GIGYF2: variants seen among roughly 807,000 people sequenced by gnomAD.
GIGYF2 encodes GRB10-interacting GYF protein 2.
In GIGYF2, 25 loss-of-function variants were observed where a neutral mutation model predicts 208.1. The ratio of observed to expected loss-of-function variants is 0.12; its 90% CI spans 0.09 to 0.17. The LOEUF (loss-of-function observed/expected upper bound fraction) is 0.17, where lower values mean the gene tolerates loss of function less well. GIGYF2 is among the 10% of genes least tolerant of loss of function. The pLI is 1.00. For synonymous variants in GIGYF2, 534 were observed against 543.8 expected, an observed-to-expected ratio of 0.98 and a Z score of 0.25; for missense variants, 1,302 against 1,579.4, an observed-to-expected ratio of 0.82 and a Z score of 2.98.
chr2:232,819,790 CCT>C, intron 20 of GIGYF2, 35 bp from the exon 21 acceptor site: 1 of 246,684 alleles, frequency 4.1e-6, no homozygotes, highest in East Asian at 1.5e-4. Flanking sequence ...GACCTGAGTC[CCT>C]CCCCCACCCC....
intron 3 of GIGYF2, among the ~76,000 whole-genome samples, chr2:232,744,406 A>C (rs2106308017): frequency 6.6e-6 from 1 of 152,292 alleles, no homozygotes; most frequent in Middle Eastern, 3.4e-3. Context: ...GTTGGGAAAC[A>C]TGTTGGTTTG....
In GIGYF2 at chr2:232,734,872, A is replaced by G. The variant is rs112576277; in HGVS notation, c.-43-283A>G. 7.9e-4 allele frequency among the ~76,000 whole-genome samples: 121 copies of G among 152,284 alleles called. 1 individual carries two copies. Among genetic ancestry groups the G allele is most frequent in the African/African-American group, 2.4e-3 (100 of 41,558 alleles). On this transcript the variant is annotated intron_variant, in intron 2 of 28. Coordinates refer to ENST00000373563, the MANE Select transcript of GIGYF2 (RefSeq NM_001103146.3). Reference sequence around the variant, plus strand: ...GAGAAAATCCTTAACTTAGTCTCCAATGCCCTGTGTGGTCTGTTCCTACCT... The same window carrying G: ...GAGAAAATCCTTAACTTAGTCTCCAGTGCCCTGTGTGGTCTGTTCCTACCT...
intron 21 of GIGYF2, among the ~76,000 whole-genome samples, chr2:232,821,442 G>A (rs1419202731): frequency 1.3e-5 from 2 of 152,128 alleles, no homozygotes; most frequent in Non-Finnish European, 2.9e-5. Context: ...TCAGGTGATC[G>A]CTTGCCTTGG....
At position 232,771,414 on chromosome 2, in the gene GIGYF2, TTTTATAG is replaced by T. The variant is rs778562541; in HGVS notation, c.532+9981_532+9987del. The stretch of plus-strand genomic sequence containing the variant: ...GAGTAAATTAGTAAGCTCTTAACTG[TTTTATAG>T]TTAATGTTTGTGAATTTGGAGAGCT... On this transcript the variant is annotated intron_variant, in intron 8 of 28. Coordinates refer to ENST00000373563, the MANE Select transcript of GIGYF2 (RefSeq NM_001103146.3). The T allele has an allele frequency of 2.0e-5, 27 of 1,340,410 alleles. 2 individuals carry two copies. In the South Asian group the frequency reaches 3.3e-4, roughly 17 times the overall value. The allele number at this position is 1,340,410 out of a possible 1,614,324, so 83.0% of individuals were successfully genotyped here. A position where few individuals can be genotyped will look rare whatever the true frequency, so the allele number is the denominator to read the frequency against.
At chr2:232,816,441 TTCAA>T (rs1161514187) in intron 19 of GIGYF2, among the ~76,000 whole-genome samples, 3 of 152,208 alleles carry the variant, frequency 2.0e-5, no homozygotes, top group Non-Finnish European at 4.4e-5. Context: ...CTGTTAAATG[TTCAA>T]TCAGAAAGTT....
intron 5 of GIGYF2, among the ~76,000 whole-genome samples, chr2:232,753,001 A>G (rs548330956): frequency 2.6e-5 from 4 of 152,236 alleles, no homozygotes; most frequent in African/African-American, 9.6e-5. Context: ...AGGGGTGCTT[A>G]TGGTGTCTAC....
intron 8 of GIGYF2, among the ~76,000 whole-genome samples, chr2:232,781,287 T>TACACACACACACACACACAC (rs3062047): frequency 2.3e-3 from 295 of 127,104 alleles, no homozygotes; most frequent in Non-Finnish European, 2.5e-3. Context: ...ATATCAGGAA[T>TACACACACACACACACACAC]ACACACACAC....
intron 15 of GIGYF2, 30 bp from the exon 16 acceptor site, chr2:232,809,690 G>C (rs1233682976): frequency 6.2e-6 from 8 of 1,288,714 alleles, no homozygotes; most frequent in African/African-American, 1.5e-5. Flanking sequence ...TTATTTAATG[G>C]TATTTATTTC....
intron 2 of GIGYF2, among the ~76,000 whole-genome samples, chr2:232,704,342 T>C (rs1394236188): frequency 6.6e-6 from 1 of 152,230 alleles, no homozygotes; most frequent in Non-Finnish European, 1.5e-5. Flanking sequence ...ATCTATCTTT[T>C]GGTGAACGAG....
intron 8 of GIGYF2, among the ~76,000 whole-genome samples, chr2:232,777,440 C>T (rs986758455): frequency 3.9e-5 from 6 of 152,076 alleles, no homozygotes; most frequent in Non-Finnish European, 8.8e-5. Flanking sequence ...TCTCCTCCTC[C>T]GTTAGCTGCT....
chr2:232,750,741 GTGTGTGTGTGTGTGTGTGTATGTT>G (rs1351421095), intron 5 of GIGYF2, among the ~76,000 whole-genome samples: 1 of 151,504 alleles, frequency 6.6e-6, no homozygotes, highest in East Asian at 1.9e-4. Context: ...CTGTGTGTGT[GTGTGTGTGTGTGTGTGTGTATGTT>G]TGTGTGTGTG....
chr2:232,833,277 T>G (rs903305158), intron 22 of GIGYF2, 184 bp downstream of exon 22: 4 of 262,686 alleles, frequency 1.5e-5, no homozygotes, highest in Non-Finnish European at 2.7e-5. Context: ...AGTGCAGTGG[T>G]GCGATCTTGG....
At chr2:232,729,685 C>G in intron 2 of GIGYF2, 4 of 815,764 alleles carry the variant, frequency 4.9e-6, no homozygotes, top group Non-Finnish European at 8.4e-6. Context: ...TAGATGAGCC[C>G]CAGACTAAGC....
intron 8 of GIGYF2, chr2:232,767,973 T>TA: frequency 1.8e-6 from 1 of 557,856 alleles, no homozygotes; most frequent in South Asian, 2.1e-5. Context: ...CAAGTTGAGT[T>TA]ACATTGATTT....
At chr2:232,820,597 A>T (rs1701049343) in intron 21 of GIGYF2, among the ~76,000 whole-genome samples, 1 of 151,970 alleles carries the variant, frequency 6.6e-6, no homozygotes, top group Non-Finnish European at 1.5e-5. Flanking sequence ...TACAGGCATG[A>T]GCTGCTGTGC....
intron 2 of GIGYF2, among the ~76,000 whole-genome samples, chr2:232,730,761 A>G (rs1351590232): frequency 5.5e-5 from 8 of 144,554 alleles, no homozygotes; most frequent in Non-Finnish European, 6.1e-5. Context: ...AGCCGGGCGT[A>G]GTGGCGGGCG....
intron 2 of GIGYF2, among the ~76,000 whole-genome samples, chr2:232,708,506 C>T (rs552754814): frequency 2.0e-5 from 3 of 151,974 alleles, no homozygotes; most frequent in Admixed American, 6.5e-5. Context: ...TAGTGAAAAG[C>T]TTGAGGGCTT....
At chr2:232,743,932 C>T (rs1001631935) in intron 3 of GIGYF2, among the ~76,000 whole-genome samples, 13 of 152,108 alleles carry the variant, frequency 8.5e-5, no homozygotes, top group African/African-American at 2.7e-4. Flanking sequence ...GCAGCCTCTA[C>T]CTCCTGAGGC....
intron 9 of GIGYF2, among the ~76,000 whole-genome samples, chr2:232,789,851 ATATCT>A (rs1426498439): frequency 6.6e-6 from 1 of 151,920 alleles, no homozygotes; most frequent in African/African-American, 2.4e-5. Flanking sequence ...TTTTAGAAAA[ATATCT>A]TAAGTAGGAT....
Sources: allele counts gnomAD v4.1 joint callset (sites outside exome capture counted in the v4.1 genomes callset), GRCh38; gene constraint gnomAD v4.1.1; transcripts MANE v1.5; gene names NCBI Gene and HGNC (gene_info 2026-07-23, HGNC 2026-07-21).